Variants in WASF2 observed in about 807,000 individuals in gnomAD.
The protein encoded by WASF2 is WASP family member 2.
Under a neutral mutation model 45.0 loss-of-function variants are expected in WASF2, and 14 were observed. The observed-to-expected ratio is 0.31, with a 90% confidence interval of 0.21 to 0.49. WASF2 has a LOEUF of 0.49. Among genes scored for constraint, WASF2 ranks in the 20% least tolerant of loss-of-function variants. WASF2 has a pLI of 0.99. For missense variants in WASF2, 439 were observed against 636.1 expected (o/e 0.69, Z 3.33); for synonymous variants, 200 against 236.3 (o/e 0.85, Z 1.41).
At chr1:27,435,641 G>GGGT (rs1445820121) in intron 1 of WASF2, among the ~76,000 whole-genome samples, 1 of 150,900 alleles carries the variant, frequency 6.6e-6, no homozygotes, top group Non-Finnish European at 1.5e-5. Context: ...GGGTGGGGTG[G>GGGT]GGTGGGATGG....
intron 1 of WASF2, among the ~76,000 whole-genome samples, chr1:27,477,218 C>A (rs1353036524): frequency 1.3e-5 from 2 of 152,160 alleles, no homozygotes; most frequent in African/African-American, 2.4e-5. Context: ...ACCAGAGGGG[C>A]TTCTATATGA....
chr1:27,419,222 G>T, intron 2 of WASF2, 134 bp from the exon 3 acceptor site: 1 of 924,646 alleles, frequency 1.1e-6, no homozygotes, highest in South Asian at 1.7e-5. Context: ...AGACGGTTTG[G>T]GCTATATGCA....
intron 8 of WASF2, among the ~76,000 whole-genome samples, chr1:27,409,452 A>G (rs12745870): frequency 0.049 from 7,207 of 146,242 alleles, 665 homozygotes; most frequent in African/African-American, 0.18. Context: ...AAAAAAAAAA[A>G]AAAAGAAAAG....
At chr1:27,412,208 A>C (rs1238945946) in intron 7 of WASF2, among the ~76,000 whole-genome samples, 1 of 152,038 alleles carries the variant, frequency 6.6e-6, no homozygotes, top group Non-Finnish European at 1.5e-5. Flanking sequence ...CTAGGGTTTT[A>C]ACTTTTTGTT....
intron 1 of WASF2, among the ~76,000 whole-genome samples, chr1:27,489,250 GCGCACACA>G (rs57204275): frequency 0.044 from 4,932 of 111,630 alleles, 516 homozygotes; most frequent in African/African-American, 0.18. Context: ...TCCTGTACGC[GCGCACACA>G]CACACACACA....
intron 1 of WASF2, among the ~76,000 whole-genome samples, chr1:27,479,024 C>T (rs559108407): frequency 7.9e-4 from 120 of 152,070 alleles, no homozygotes; most frequent in Middle Eastern, 3.4e-3. Flanking sequence ...TGGTGGCTCA[C>T]GCCTGTAATC....
intron 1 of WASF2, chr1:27,459,244 T>TCAATCTCTCGGACTCAAGTGATCCTC (rs2017514375): frequency 1.3e-5 from 2 of 152,214 alleles, no homozygotes; most frequent in Non-Finnish European, 2.9e-5. Context: ...CACTGTAGCT[T>TCAATCTCTCGGACTCAAGTGATCCTC]CAATCTCTCG....
rs59391183 is a variant in WASF2 at position 27,472,971 on chromosome 1, C to CAAA, written c.-44+17012_-44+17014dup. On this transcript the variant is annotated intron_variant, in intron 1 of 8. Coordinates refer to ENST00000618852, the MANE Select transcript of WASF2 (RefSeq NM_006990.5). ...TGGGAGACACAGCAAGACCTTGTCT[C>CAAA]AAAAAAAAAAAAAAAAAAGGAAACA... Among the ~76,000 whole-genome samples the CAAA allele has an allele frequency of 7.2e-3, 490 of 68,244 alleles. 12 individuals are homozygous for CAAA. Among genetic ancestry groups the CAAA allele is most frequent in the African/African-American group, 0.018 (420 of 22,986 alleles). 44.8% of individuals were successfully genotyped at this position (68,244 alleles called of 152,430 possible). A position where few individuals can be genotyped will look rare whatever the true frequency, so the allele number is the denominator to read the frequency against.
chr1:27,418,825 T>G, intron 3 of WASF2, 129 bp downstream of exon 3: 1 of 1,206,290 alleles, frequency 8.3e-7, no homozygotes, highest in Non-Finnish European at 1.1e-6. Flanking sequence ...TTGTGTGATT[T>G]CAAAGCAGAA....
chr1:27,429,987 G>T (rs1041680290), intron 1 of WASF2, among the ~76,000 whole-genome samples: 1 of 152,078 alleles, frequency 6.6e-6, no homozygotes, highest in Non-Finnish European at 1.5e-5. Flanking sequence ...CAACACACCT[G>T]GGCCAAAAGG....
rs975166405 is a variant in WASF2 at position 27,445,146 on chromosome 1, T to G, written c.-43-16213A>C. Among the ~76,000 whole-genome samples, 5 of 152,232 alleles carry G rather than the reference T, an allele frequency of 3.3e-5. 1 individual carries two copies. The South Asian group carries it at 1.0e-3, about 31-fold the overall frequency. ...CAAAGTAGGATTCTTAAAATTTCTTTTCATCCTACAGTGTCTGCTCAATAA... is the reference window on the plus strand; with the variant it reads ...CAAAGTAGGATTCTTAAAATTTCTTGTCATCCTACAGTGTCTGCTCAATAA... On this transcript the variant is annotated intron_variant, in intron 1 of 8. Transcript: ENST00000618852.
chr1:27,449,810 C>T (rs1037440422), intron 1 of WASF2, among the ~76,000 whole-genome samples: 3 of 151,870 alleles, frequency 2.0e-5, no homozygotes, highest in Non-Finnish European at 1.5e-5. Context: ...ATTTACCCCT[C>T]AAACTCAGGG....
At chr1:27,481,972 T>C (rs1571168625) in intron 1 of WASF2, among the ~76,000 whole-genome samples, 1 of 152,326 alleles carries the variant, frequency 6.6e-6, no homozygotes, top group East Asian at 1.9e-4. Context: ...TCAGCAAGCA[T>C]TCAACAATTC....
rs527581072 is a variant in WASF2, at chr1:27,467,462, G to A, written c.-44+22524C>T. The stretch of plus-strand genomic sequence containing the variant: ...ACTACAGGCACCTGCCACCACGCCC[G>A]GCTAACTTTTTGGATTTTTTAGTAG... On this transcript the variant is annotated intron_variant, in intron 1 of 8. Coordinates refer to ENST00000618852, the MANE Select transcript of WASF2 (RefSeq NM_006990.5). 2.3e-4 allele frequency among the ~76,000 whole-genome samples: 34 copies of A among 148,926 alleles called. No individual in the cohort carries two copies. In the East Asian group the frequency reaches 3.0e-3, roughly 13 times the overall value.
At position 27,410,176 on chromosome 1, in the gene WASF2, A is replaced by G; in HGVS notation, c.855T>C (p.Gly285=). ...CACTGGATCTTTTGGGTCCAGCCAA[A>G]CCAGATCCTCTTTGGTTGTCCACTG... is the stretch of plus-strand genomic sequence containing the variant. ...SYPVDNQRGS[G]LAGPKRSSVV... Residue 285 remains glycine, a synonymous_variant, in exon 8 of 9, where the codon GGT becomes GGC. Coordinates refer to ENST00000618852, the MANE Select transcript of WASF2 (RefSeq NM_006990.5). The surrounding 1 kb of genome is among the most constrained non-coding windows in gnomAD (Gnocchi z 4.2). The G allele has an allele frequency of 6.2e-7, 1 of 1,614,074 alleles. No individual in the cohort carries two copies. Among genetic ancestry groups the G allele is most frequent in the Non-Finnish European group, 8.5e-7 (1 of 1,180,014 alleles).
intron 1 of WASF2, among the ~76,000 whole-genome samples, chr1:27,486,815 T>G (rs1174909849): frequency 6.6e-6 from 1 of 151,696 alleles, no homozygotes; most frequent in Non-Finnish European, 1.5e-5. Flanking sequence ...TCCCAGATAC[T>G]TGGGAGGCTG....
intron 1 of WASF2, among the ~76,000 whole-genome samples, chr1:27,448,267 A>G (rs2017336505): frequency 6.6e-6 from 1 of 152,186 alleles, no homozygotes; most frequent in Non-Finnish European, 1.5e-5. Flanking sequence ...GGGGCTTGAC[A>G]TTACTCTTTG....
In WASF2 at chr1:27,412,663, T is replaced by G. The variant is rs777418355; in HGVS notation, c.733A>C (p.Ser245Arg). 6.2e-7 allele frequency: 1 copy of G among 1,614,216 alleles called. No individual in the cohort carries two copies. Among genetic ancestry groups the G allele is most frequent in the East Asian group, 2.2e-5 (1 of 44,884 alleles). The change falls in exon 7 of 9, where the codon AGC becomes CGC. Residue 245 changes from serine (S) to arginine (R), a missense_variant. Ser to Arg is a moderately radical substitution (Grantham distance 110). Coordinates refer to ENST00000618852, the MANE Select transcript of WASF2 (RefSeq NM_006990.5). Reference sequence around the variant, plus strand: ...TCTGACTGTGGTGGTGGCGGATAGCTACTTGCATCCACGTTTTCAACACAG... The same window carrying G: ...TCTGACTGTGGTGGTGGCGGATAGCGACTTGCATCCACGTTTTCAACACAG... ...IGCVENVDAS[S>R]YPPPPQSDSA...
intron 1 of WASF2, among the ~76,000 whole-genome samples, chr1:27,430,151 GT>G (rs1348801756): frequency 6.6e-6 from 1 of 152,170 alleles, no homozygotes; most frequent in East Asian, 1.9e-4. Context: ...CGAATTCCTA[GT>G]TTTACAAGGA....
Sources: gnomAD v4.1 joint callset for allele counts (sites outside exome capture counted in the v4.1 genomes callset) on GRCh38, gnomAD v4.1.1 for gene constraint, Gnocchi (gnomAD v3.1) non-coding constraint, MANE v1.5 for transcripts, NCBI Gene and HGNC (gene_info 2026-07-23, HGNC 2026-07-21) for gene names.